REDIC1: variants seen among roughly 807,000 people sequenced by gnomAD.
REDIC1 encodes HEI10 Interacting Protein 1.
chr12:39,646,121 A>C, the REDIC1 span, among the ~76,000 whole-genome samples: 2 of 151,994 alleles, frequency 1.3e-5, no homozygotes, highest in Admixed American at 1.3e-4. Context: ...GGGCAGCTAT[A>C]ATGAGGAATA....
chr12:39,885,517 T>C, the REDIC1 span, among the ~76,000 whole-genome samples: 1 of 152,158 alleles, frequency 6.6e-6, no homozygotes, highest in African/African-American at 2.4e-5. Context: ...TTACCTGTTC[T>C]AGACATCAAA....
chr12:39,798,456 CA>C, the REDIC1 span, among the ~76,000 whole-genome samples: 1 of 152,188 alleles, frequency 6.6e-6, no homozygotes, highest in Non-Finnish European at 1.5e-5. Context: ...TAACTGAAAG[CA>C]AAAGGAGATA....
the REDIC1 span, among the ~76,000 whole-genome samples, chr12:39,901,009 G>C: frequency 6.6e-6 from 1 of 152,094 alleles, no homozygotes; most frequent in Non-Finnish European, 1.5e-5. Flanking sequence ...CAATGGAACT[G>C]AACAGAGCCC....
chr12:39,893,446 C>T, the REDIC1 span, among the ~76,000 whole-genome samples: 48 of 152,278 alleles, frequency 3.2e-4, no homozygotes, highest in Admixed American at 3.3e-4. Flanking sequence ...ACTACAGGTG[C>T]GTGCCACCAC....
chr12:39,669,465 T>TG, the REDIC1 span, among the ~76,000 whole-genome samples: 1 of 152,302 alleles, frequency 6.6e-6, no homozygotes, highest in Non-Finnish European at 1.5e-5. Flanking sequence ...CTGCCCCTAC[T>TG]GGGGGGTGCA....
At chr12:39,643,798 G>A in the REDIC1 span, 1 of 1,541,046 alleles carries the variant, frequency 6.5e-7, no homozygotes, top group Non-Finnish European at 8.9e-7. Flanking sequence ...GAAAAACACA[G>A]GTTAAAATCA....
chr12:39,640,679 GCTTAT>G, the REDIC1 span, among the ~76,000 whole-genome samples: 4 of 150,098 alleles, frequency 2.7e-5, no homozygotes, highest in Admixed American at 6.6e-5. Context: ...ATTTTTTTTT[GCTTAT>G]CTTAGCATTA....
chr12:39,737,135 C>A, the REDIC1 span, among the ~76,000 whole-genome samples: 1 of 152,086 alleles, frequency 6.6e-6, no homozygotes, highest in African/African-American at 2.4e-5. Context: ...ATGCTTTTTT[C>A]CACAATTGAT....
At chr12:39,817,471 T>C in the REDIC1 span, among the ~76,000 whole-genome samples, 1 of 149,232 alleles carries the variant, frequency 6.7e-6, no homozygotes, top group Non-Finnish European at 1.5e-5. Context: ...ATCAACTCCT[T>C]ATTTAGTGCA....
chr12:39,837,187 A>T, the REDIC1 span, among the ~76,000 whole-genome samples: 4 of 148,562 alleles, frequency 2.7e-5, no homozygotes, highest in Admixed American at 1.4e-4. Flanking sequence ...ATAATGCCAC[A>T]TACCTACAAC....
chr12:39,831,661 G>C, the REDIC1 span, among the ~76,000 whole-genome samples: 1 of 152,042 alleles, frequency 6.6e-6, no homozygotes, highest in Non-Finnish European at 1.5e-5. Flanking sequence ...TGAATCATGG[G>C]GGAAAGATCC....
the REDIC1 span, among the ~76,000 whole-genome samples, chr12:39,746,619 G>A: frequency 6.6e-6 from 1 of 152,234 alleles, no homozygotes; most frequent in Non-Finnish European, 1.5e-5. Flanking sequence ...AGAACGGACA[G>A]ACTGCCTCCT....
chr12:39,864,927 G>A, the REDIC1 span: 1 of 1,536,942 alleles, frequency 6.5e-7, no homozygotes, highest in Non-Finnish European at 8.8e-7. Flanking sequence ...TGACAATATT[G>A]TTTTAAGGCA....
At chr12:39,659,100 C>G in the REDIC1 span, among the ~76,000 whole-genome samples, 1 of 151,792 alleles carries the variant, frequency 6.6e-6, no homozygotes, top group African/African-American at 2.4e-5. Context: ...ATGCTCTAAT[C>G]TTTGTATATT....
the REDIC1 span, among the ~76,000 whole-genome samples, chr12:39,816,485 C>T: frequency 1.3e-5 from 2 of 150,376 alleles, no homozygotes; most frequent in Non-Finnish European, 3.0e-5. Context: ...ATGTAAATGA[C>T]GAGTTAATGG....
chr12:39,672,268 G>C, the REDIC1 span, among the ~76,000 whole-genome samples: 2 of 152,120 alleles, frequency 1.3e-5, no homozygotes, highest in African/African-American at 4.8e-5. Context: ...CAGGGCCCCT[G>C]ATGGTGCATG....
At chr12:39,662,781 T>C in the REDIC1 span, among the ~76,000 whole-genome samples, 1 of 152,160 alleles carries the variant, frequency 6.6e-6, no homozygotes, top group African/African-American at 2.4e-5. Context: ...ATGACCTTTA[T>C]TATATTCAGA....
the REDIC1 span, among the ~76,000 whole-genome samples, chr12:39,714,693 T>C: frequency 6.6e-6 from 1 of 151,820 alleles, no homozygotes; most frequent in African/African-American, 2.4e-5. Context: ...AATGTAGAAG[T>C]GTTCCCTGTT....
chr12:39,849,109 A>G, the REDIC1 span, among the ~76,000 whole-genome samples: 7,352 of 152,208 alleles, frequency 0.048, 291 homozygotes, highest in African/African-American at 0.11. Flanking sequence ...TAATATGTAC[A>G]ACAAGCCCCT....
Sources: gnomAD v4.1 joint callset for allele counts (sites outside exome capture counted in the v4.1 genomes callset) on GRCh38, gnomAD v4.1.1 for gene constraint, MANE v1.5 for transcripts, NCBI Gene and HGNC (gene_info 2026-07-23, HGNC 2026-07-21) for gene names.